Variants in KDM6A observed in about 807,000 individuals in gnomAD.
The protein encoded by KDM6A is lysine demethylase 6A, also known as lysine-specific demethylase 6A.
Under a neutral mutation model 117.6 loss-of-function variants are expected in KDM6A, and 11 were observed. That is an observed-to-expected ratio of 0.09 (90% confidence interval 0.06 to 0.15). The LOEUF (loss-of-function observed/expected upper bound fraction) is 0.15. Among genes scored for constraint, KDM6A ranks in the 10% least tolerant of loss-of-function variants. KDM6A has a pLI of 1.00. For missense variants in KDM6A, 799 were observed against 1,077.3 expected, an observed-to-expected ratio of 0.74 and a Z score of 3.62; for synonymous variants, 384 against 396.1, an observed-to-expected ratio of 0.97 and a Z score of 0.36.
intron 24 of KDM6A, among the ~76,000 whole-genome samples, chrX:45,084,782 T>C (rs188654756): frequency 2.7e-5 from 3 of 111,688 alleles, no homozygotes; most frequent in Admixed American, 9.5e-5. Context: ...CATGCCACCA[T>C]GCCTGGCTAA....
chrX:45,037,720 A>T (rs1281461475), intron 8 of KDM6A, 31 bp downstream of exon 8: 1 of 1,075,308 alleles, frequency 9.3e-7, no homozygotes. Context: ...TATTTAAAAC[A>T]AAAGCAAACA....
At chrX:44,957,226 T>C (rs1225410848) in intron 2 of KDM6A, among the ~76,000 whole-genome samples, 2 of 112,131 alleles carry the variant, frequency 1.8e-5, no homozygotes, top group African/African-American at 6.5e-5. Context: ...TTTAAAACCA[T>C]TGGGGTATTA....
intron 2 of KDM6A, among the ~76,000 whole-genome samples, chrX:44,903,631 C>A (rs1372356747): frequency 9.0e-6 from 1 of 110,776 alleles, no homozygotes; most frequent in Non-Finnish European, 1.9e-5. Flanking sequence ...TTCTTATTTT[C>A]TTTCTGTTAC....
At chrX:44,982,895 G>A (rs2039982659) in intron 4 of KDM6A, among the ~76,000 whole-genome samples, 2 of 111,604 alleles carry the variant, frequency 1.8e-5, no homozygotes, top group Non-Finnish European at 1.9e-5. Flanking sequence ...ATTCAGATTT[G>A]TTTTTTGAAT....
At chrX:45,035,532 T>C (rs1406363613) in intron 7 of KDM6A, among the ~76,000 whole-genome samples, 1 of 110,997 alleles carries the variant, frequency 9.0e-6, no homozygotes, top group African/African-American at 3.3e-5. Flanking sequence ...TGCTTCTATG[T>C]AGGTGTCTTT....
chrX:44,944,966 G>T (rs753794128), intron 2 of KDM6A, among the ~76,000 whole-genome samples: 1 of 111,329 alleles, frequency 9.0e-6, no homozygotes, highest in South Asian at 3.7e-4. Flanking sequence ...TTCTGCCTGA[G>T]AATTTCCTTT....
At chrX:45,106,877 T>C (rs959038715) in intron 27 of KDM6A, 4 of 205,964 alleles carry the variant, frequency 1.9e-5, no homozygotes, top group Non-Finnish European at 3.6e-5. Flanking sequence ...GAATATTGTA[T>C]CCTGTAGTGA....
intron 2 of KDM6A, among the ~76,000 whole-genome samples, chrX:44,922,665 C>T (rs944608565): frequency 1.1e-4 from 12 of 111,793 alleles, no homozygotes; most frequent in South Asian, 3.7e-4. Context: ...GACAGAGTTT[C>T]GCCATGTTGG....
chrX:44,955,588 CTT>C (rs1248177319), intron 2 of KDM6A, among the ~76,000 whole-genome samples: 4 of 111,432 alleles, frequency 3.6e-5, no homozygotes, highest in Non-Finnish European at 7.5e-5. Flanking sequence ...CTCCAGAACT[CTT>C]TTCATCTTGT....
At chrX:45,025,505 GACAGTT>G (rs760118507) in intron 6 of KDM6A, among the ~76,000 whole-genome samples, 8 of 110,376 alleles carry the variant, frequency 7.2e-5, no homozygotes, top group Non-Finnish European at 1.5e-4. Flanking sequence ...TGATATTAAT[GACAGTT>G]ACTTATTTTC....
intron 17 of KDM6A, among the ~76,000 whole-genome samples, chrX:45,065,357 A>G (rs1419464409): frequency 3.6e-5 from 4 of 111,903 alleles, no homozygotes; most frequent in Non-Finnish European, 7.5e-5. Context: ...CTAAATCATG[A>G]TCAGCCTTAT....
intron 27 of KDM6A, 171 bp from the exon 28 acceptor site, chrX:45,107,239 G>A (rs2046564991): frequency 2.1e-6 from 1 of 480,089 alleles, no homozygotes; most frequent in African/African-American, 2.4e-5. Flanking sequence ...GGCCTGCTGA[G>A]CATTGTCATT....
At chrX:44,988,863 C>A (rs1252903429) in intron 4 of KDM6A, among the ~76,000 whole-genome samples, 1 of 110,966 alleles carries the variant, frequency 9.0e-6, no homozygotes, top group African/African-American at 3.3e-5. Flanking sequence ...GTCAGGGACC[C>A]ACTTGAGGAG....
At chrX:44,992,416 G>T (rs868248265) in intron 4 of KDM6A, among the ~76,000 whole-genome samples, 2 of 108,507 alleles carry the variant, frequency 1.8e-5, no homozygotes, top group Non-Finnish European at 3.8e-5. Flanking sequence ...TAGAGATGGG[G>T]TTTCTCCATG....
chrX:44,955,176 A>G (rs745360236), intron 2 of KDM6A, among the ~76,000 whole-genome samples: 11 of 111,220 alleles, frequency 9.9e-5, no homozygotes, highest in Non-Finnish European at 2.1e-4. Context: ...TTCCCTCCCC[A>G]CCCCTGCTTC....
At chrX:45,003,454 A>C (rs1442175540) in intron 4 of KDM6A, among the ~76,000 whole-genome samples, 1 of 98,569 alleles carries the variant, frequency 1.0e-5, no homozygotes, top group Non-Finnish European at 2.0e-5. Context: ...TTAGCAAAAC[A>C]GTTGTCGCTA....
chrX:45,077,097 C>T (rs376395000), intron 19 of KDM6A, among the ~76,000 whole-genome samples: 1 of 110,153 alleles, frequency 9.1e-6, no homozygotes, highest in African/African-American at 3.3e-5. Flanking sequence ...AAAAAGCTAC[C>T]TAAAAGTGTA....
intron 5 of KDM6A, among the ~76,000 whole-genome samples, chrX:45,018,297 G>A (rs2042043341): frequency 9.0e-6 from 1 of 111,316 alleles, no homozygotes; most frequent in South Asian, 3.8e-4. Flanking sequence ...AACTTAGAAA[G>A]AACAACGAGG....
intron 6 of KDM6A, among the ~76,000 whole-genome samples, chrX:45,032,861 G>A (rs1341825747): frequency 1.8e-5 from 2 of 112,064 alleles, no homozygotes; most frequent in African/African-American, 3.2e-5. Context: ...TGATTGCTGC[G>A]TTTAAGATTG....
Sources: allele counts gnomAD v4.1 joint callset (sites outside exome capture counted in the v4.1 genomes callset), GRCh38; gene constraint gnomAD v4.1.1; transcripts MANE v1.5; gene names NCBI Gene and HGNC (gene_info 2026-07-23, HGNC 2026-07-21).